The following TEP1 variants were observed in gnomAD, a reference collection of about 807,000 sequenced individuals.
The protein encoded by TEP1 is telomerase associated protein 1.
Under a neutral mutation model 306.3 loss-of-function variants are expected in TEP1, and 241 were observed. That is an observed-to-expected ratio of 0.79 (90% CI 0.71 to 0.88). The LOEUF (loss-of-function observed/expected upper bound fraction) is 0.88, where lower values mean the gene tolerates loss of function less well. Ranked by LOEUF, TEP1 falls within the 40% of genes least tolerant of loss-of-function variation. The pLI, the probability that TEP1 is intolerant of heterozygous loss-of-function variation, is 0.00. For missense variants in TEP1, 3,051 were observed against 3,276.1 expected (o/e 0.93, Z 1.68); for synonymous variants, 1,289 against 1,305.5 (o/e 0.99, Z 0.27).
chr14:20,401,231 G>C (rs1878710221), intron 8 of TEP1, 90 bp from the exon 9 acceptor site: 1 of 1,485,112 alleles, frequency 6.7e-7, no homozygotes, highest in Non-Finnish European at 9.1e-7. Flanking sequence ...TACAGGGCAT[G>C]TCTGCCCAAA....
rs576731233 is a variant in TEP1 at position 20,395,944 on chromosome 14, C to G, written c.1665G>C (p.Ser555=). 1.9e-4 allele frequency: 307 copies of G among 1,613,872 alleles called. 8 individuals carry two copies. The South Asian group carries it at 2.2e-3, about 11-fold the overall frequency. The change falls in exon 11 of 55, where the codon TCG becomes TCC. Residue 555 remains serine (S), a synonymous_variant. Coordinates refer to ENST00000262715, the MANE Select transcript of TEP1 (RefSeq NM_007110.5). ...LILQRLQHAK[S]VIHSRQFPFR... is the part of the protein sequence containing the mutation. ...ATGGAAACTGCCGACTGTGGATCAC[C>G]GACTTCTAGAAAGCAAAGGAGGGAG...
rs752275576 is a variant in TEP1 at position 20,389,249 on chromosome 14, A to ATTT, written c.2513_2514insAAA (p.Asp838delinsGluAsn). 112 of 1,614,052 alleles carry ATTT rather than the reference A, an allele frequency of 6.9e-5. No individual in the cohort carries two copies. The highest frequency in any genetic ancestry group is 2.5e-6 in the Non-Finnish European group (3 of 1,180,022). On this transcript the variant is annotated protein_altering_variant, in exon 17 of 55. Transcript: ENST00000262715. ...CATTCTGTACTCACTTCAGTATCGC[A>ATTT]TCAGTACAGCCTGAGAGTGTCACAT...
chr14:20,383,047 A>T, intron 27 of TEP1, 127 bp downstream of exon 27: 1 of 1,131,546 alleles, frequency 8.8e-7, no homozygotes, highest in Non-Finnish European at 1.2e-6. Flanking sequence ...ACAACTTCCC[A>T]TGGACAGAAT....
At chr14:20,370,460 G>A (rs909705440) in intron 51 of TEP1, among the ~76,000 whole-genome samples, 2 of 152,100 alleles carry the variant, frequency 1.3e-5, no homozygotes, top group Admixed American at 6.5e-5. Flanking sequence ...GTACTCCTTT[G>A]TAACTGGCTT....
intron 15 of TEP1, among the ~76,000 whole-genome samples, chr14:20,389,941 A>C (rs1307506217): frequency 6.6e-6 from 1 of 152,184 alleles, no homozygotes; most frequent in African/African-American, 2.4e-5. Context: ...GCAGTGGTAT[A>C]CTGCAGCTGG....
In TEP1 at chr14:20,382,005, C is replaced by T. The variant is rs762838981; in HGVS notation, c.4332G>A (p.Gly1444=). The change falls in exon 30 of 55, where the codon GGG becomes GGA. Residue 1444 remains glycine, a synonymous_variant. Coordinates refer to ENST00000262715, the MANE Select transcript of TEP1 (RefSeq NM_007110.5). ...VLSVWRTLPK[G]TKSWEEAVAA... ...CCACTGCTTCTTCCCAGCTCTTAGTCCCCTTCGGTAGTGTCCGCCACACAC... is the reference window on the plus strand; with the variant it reads ...CCACTGCTTCTTCCCAGCTCTTAGTTCCCTTCGGTAGTGTCCGCCACACAC... The T allele has an allele frequency of 1.9e-6, 3 of 1,614,180 alleles. No homozygotes were observed. Among genetic ancestry groups the T allele is most frequent in the Non-Finnish European group, 2.5e-6 (3 of 1,180,032 alleles).
Position 20,381,024 on chromosome 14 carries a change from G to A in TEP1, c.4669C>T (p.Leu1557Phe). 6.2e-7 allele frequency: 1 copy of A among 1,614,148 alleles called. No homozygotes were observed. Among genetic ancestry groups the A allele is most frequent in the East Asian group, 2.2e-5 (1 of 44,872 alleles). ...AGGTTGGTAAGGAACTTCGAAAGAA[G>A]TCCACGGTTCCCGCTCTGGAGCTGA... ...YHLLQSGNRG[L>F]LSKFLTNLHV... The change falls in exon 33 of 55, where the codon CTT becomes TTT. Residue 1557 changes from leucine to phenylalanine, a missense_variant. Physicochemically the swap from Leu to Phe is conservative, Grantham distance 22. Around this residue, in one of 3 missense-constraint regions of TEP1, gnomAD observed 1,540 missense variants for 1,705.9 expected, o/e 0.90. Coordinates refer to ENST00000262715, the MANE Select transcript of TEP1 (RefSeq NM_007110.5). This position sits in a 1 kb window ranked among gnomAD's most constrained non-coding sequence, Gnocchi z 4.0.
intron 13 of TEP1, 146 bp from the exon 14 acceptor site, chr14:20,391,242 C>T: frequency 2.3e-6 from 2 of 858,046 alleles, no homozygotes; most frequent in East Asian, 2.7e-5. Context: ...TCAGCTTCAG[C>T]AGCCCTCAGG....
chr14:20,403,709 G>T lies in TEP1; in HGVS notation c.1194+14C>A. 1 of 1,613,202 alleles carries T rather than the reference G, an allele frequency of 6.2e-7. No individual in the cohort carries two copies. The highest frequency in any genetic ancestry group is 8.5e-7 in the Non-Finnish European group (1 of 1,179,992). Reference sequence around the variant, plus strand: ...GAAAAGGGGCGTGGGTCGAGGGCTGGGGCAGTGACTGACTGGAGAGCGGGG... The same window carrying T: ...GAAAAGGGGCGTGGGTCGAGGGCTGTGGCAGTGACTGACTGGAGAGCGGGG... On this transcript the variant is annotated intron_variant, in intron 6 of 54. Transcript: ENST00000262715.
rs755939283 is a variant in TEP1 at position 20,381,628 on chromosome 14, G to A, written c.4483C>T (p.Pro1495Ser). Residue 1495 changes from proline to serine, a missense_variant, in exon 31 of 55, where the codon CCC becomes TCC. Physicochemically the swap from Pro to Ser is moderately conservative, Grantham distance 74. This residue lies in a region of TEP1 where 1,540 missense variants were observed against 1,705.9 expected (regional missense o/e 0.90). Transcript: ENST00000262715. The surrounding 1 kb of genome is among the most constrained non-coding windows in gnomAD (Gnocchi z 4.0). ...CAACGTTTAGCTGCTGTTCTCAGGG[G>A]CCCATCAGGGAGGCACAGCCGGGCA... ...PGARLCLPDGPLRTAAKRCYG... is the reference protein window; with the variant it reads ...PGARLCLPDGSLRTAAKRCYG... The A allele has an allele frequency of 1.9e-6, 3 of 1,613,926 alleles. No homozygotes were observed. The Admixed American group carries it at 5.0e-5, about 27-fold the overall frequency.
rs149326341 is a variant in TEP1 at position 20,377,632 on chromosome 14, G to T, written c.5843C>A (p.Ala1948Glu). Residue 1948 changes from alanine (A) to glutamate (E), a missense_variant, in exon 40 of 55, where the codon GCG becomes GAG. By Grantham distance (107) the Ala-to-Glu change is moderately radical. Coordinates refer to ENST00000262715, the MANE Select transcript of TEP1 (RefSeq NM_007110.5). The stretch of plus-strand genomic sequence containing the variant: ...GATTTTGTAGATCCTAATGCCATCC[G>T]CTCGATATCCAACAGCCACCCGATC... Reference protein sequence around the residue: ...DGDRVAVGYRADGIRIYKISS... With the variant: ...DGDRVAVGYREDGIRIYKISS... The T allele has an allele frequency of 6.2e-7, 1 of 1,613,984 alleles. No individual in the cohort carries two copies. Among genetic ancestry groups the T allele is most frequent in the Non-Finnish European group, 8.5e-7 (1 of 1,180,020 alleles).
chr14:20,373,161 G>C lies in TEP1; in HGVS notation c.6815-14C>G. The C allele has an allele frequency of 6.2e-7, 1 of 1,614,122 alleles. No homozygotes were observed. Among genetic ancestry groups the C allele is most frequent in the Non-Finnish European group, 8.5e-7 (1 of 1,180,012 alleles). On this transcript the variant is annotated splice_polypyrimidine_tract_variant and intron_variant, in intron 47 of 54. Transcript: ENST00000262715. ...TACATGTGTCATCTGGAGGAGAAAGGACGTGTTTCATTAGGAGCTGGGATA... is the reference window on the plus strand; with the variant it reads ...TACATGTGTCATCTGGAGGAGAAAGCACGTGTTTCATTAGGAGCTGGGATA...
At chr14:20,395,399 C>T (rs1327222161) in intron 12 of TEP1, 51 bp downstream of exon 12, 2 of 1,502,826 alleles carry the variant, frequency 1.3e-6, no homozygotes, top group Non-Finnish European at 9.0e-7. Context: ...CCAACCTGTG[C>T]CAGGGTAGCC....
intron 33 of TEP1, 142 bp from the exon 34 acceptor site, chr14:20,380,617 G>A (rs986716848): frequency 1.5e-6 from 2 of 1,353,362 alleles, no homozygotes; most frequent in Non-Finnish European, 2.0e-6. Context: ...TCTCTTAAAA[G>A]TACAAAGCTT....
At chr14:20,406,725 T>A (rs1440928632) in intron 2 of TEP1, among the ~76,000 whole-genome samples, 1 of 152,054 alleles carries the variant, frequency 6.6e-6, no homozygotes, top group Non-Finnish European at 1.5e-5. Context: ...GTTTTGGGGG[T>A]CAGAAGAAAA....
At position 20,391,779 on chromosome 14, in the gene TEP1, A is replaced by G. The variant is rs1486594731; in HGVS notation, c.1929-12T>C. 6.2e-7 allele frequency: 1 copy of G among 1,612,910 alleles called. No individual in the cohort carries two copies. The highest frequency in any genetic ancestry group is 8.5e-7 in the Non-Finnish European group (1 of 1,179,094). On this transcript the variant is annotated splice_polypyrimidine_tract_variant and intron_variant, in intron 12 of 54. Coordinates refer to ENST00000262715, the MANE Select transcript of TEP1 (RefSeq NM_007110.5). ...CATATTTCCACTGTCTACATGCAAGAAAGACACAGACACAGGGGCTCAGGG... is the reference window on the plus strand; with the variant it reads ...CATATTTCCACTGTCTACATGCAAGGAAGACACAGACACAGGGGCTCAGGG...
rs372313734 is a variant in TEP1, at chr14:20,373,438, G to T, written c.6682-36C>A. On this transcript the variant is annotated intron_variant, in intron 46 of 54. Transcript: ENST00000262715. ...GGGATGGAGATGGGCTCATGAGAGT[G>T]GGCACAACAGAAGGTTATTCCGCAT... The T allele has an allele frequency of 3.1e-6, 5 of 1,613,876 alleles. No homozygotes were observed. In the African/African-American group the frequency reaches 5.3e-5, roughly 17 times the overall value.
At position 20,372,854 on chromosome 14, in the gene TEP1, G is replaced by T. The variant is rs202061561; in HGVS notation, c.6955C>A (p.Pro2319Thr). 6.2e-7 allele frequency: 1 copy of T among 1,614,178 alleles called. No homozygotes were observed. The highest frequency in any genetic ancestry group is 8.5e-7 in the Non-Finnish European group (1 of 1,180,036). ...CAGATCAGAGCACCAATGTGGCCTG[G>T]AGCCTGGTGTACACAACAAGTTCAA... ...EAKAVATAQA[P>T]GHIGALIWSS... Residue 2319 changes from proline (P) to threonine (T), a missense_variant, in exon 49 of 55, where the codon CCA becomes ACA. Pro to Thr is a conservative substitution (Grantham distance 38). Coordinates refer to ENST00000262715, the MANE Select transcript of TEP1 (RefSeq NM_007110.5).
At chr14:20,400,939 A>G (rs748722679) in intron 9 of TEP1, 45 bp downstream of exon 9, 1 of 1,598,192 alleles carries the variant, frequency 6.3e-7, no homozygotes, top group Admixed American at 1.7e-5. Context: ...TGGAGGCATA[A>G]ATGGGGAAGA....
Sources: allele counts gnomAD v4.1 joint callset (sites outside exome capture counted in the v4.1 genomes callset), GRCh38; gene constraint gnomAD v4.1.1; regional missense constraint gnomAD v4.1.1; non-coding constraint Gnocchi (gnomAD v3.1); transcripts MANE v1.5; gene names NCBI Gene and HGNC (gene_info 2026-07-23, HGNC 2026-07-21).